Variants in EHF observed in about 807,000 individuals in gnomAD.
The protein encoded by EHF is ESE3 transcription factor.
EHF carries 14 observed loss-of-function variants against 45.1 expected under a neutral mutation model. The ratio of observed to expected loss-of-function variants is 0.31; its 90% CI spans 0.21 to 0.49. The LOEUF (loss-of-function observed/expected upper bound fraction) is 0.49, where lower values mean the gene tolerates loss of function less well. EHF is among the 20% of genes least tolerant of loss of function. EHF has a pLI of 0.99. For missense variants in EHF, 282 were observed against 371.4 expected (o/e 0.76, Z 1.98); for synonymous variants, 136 against 131.8 (o/e 1.03, Z -0.22).
intron 1 of EHF, among the ~76,000 whole-genome samples, chr11:34,624,566 G>A (rs1448822210): frequency 6.6e-6 from 1 of 152,100 alleles, no homozygotes; most frequent in Non-Finnish European, 1.5e-5. Context: ...GTTTCAAAGG[G>A]CCAAGCTACT....
At chr11:34,645,168 A>C (rs1854390190) in intron 2 of EHF, among the ~76,000 whole-genome samples, 1 of 152,078 alleles carries the variant, frequency 6.6e-6, no homozygotes, top group Non-Finnish European at 1.5e-5. Flanking sequence ...ATGCCCTCAG[A>C]TGCTGGTTTG....
intron 1 of EHF, 197 bp from the exon 2 acceptor site, chr11:34,642,431 T>A (rs1172219797): frequency 2.0e-6 from 1 of 504,924 alleles, no homozygotes; most frequent in East Asian, 3.2e-5. Context: ...GCCTCATGCA[T>A]ATGAAAATTG....
chr11:34,634,663 G>A (rs759070535), intron 1 of EHF, among the ~76,000 whole-genome samples: 6 of 152,242 alleles, frequency 3.9e-5, no homozygotes, highest in Non-Finnish European at 5.9e-5. Flanking sequence ...TGGACCAGTC[G>A]ATTTCCCAAA....
intron 1 of EHF, among the ~76,000 whole-genome samples, chr11:34,629,902 A>C (rs1362377995): frequency 1.3e-5 from 2 of 151,968 alleles, no homozygotes; most frequent in East Asian, 3.9e-4. Context: ...TATCATGGTT[A>C]ATAAGTCTGA....
intron 1 of EHF, among the ~76,000 whole-genome samples, chr11:34,623,375 C>T (rs925163400): frequency 6.6e-6 from 1 of 152,128 alleles, no homozygotes. Flanking sequence ...CTTCAGCCAC[C>T]GTGCCCAGCC....
In EHF at chr11:34,661,290, C is replaced by T. The variant is rs1264654930; in HGVS notation, c.*2359C>T. Among the ~76,000 whole-genome samples, 3 of 152,152 alleles carry T rather than the reference C, an allele frequency of 2.0e-5. No individual in the cohort carries two copies. Among genetic ancestry groups the T allele is most frequent in the Non-Finnish European group, 4.4e-5 (3 of 68,008 alleles). On this transcript the variant is annotated 3_prime_UTR_variant, in exon 9 of 9. Coordinates refer to ENST00000257831, the MANE Select transcript of EHF (RefSeq NM_012153.6). ...TTTATTAGGGGCATCTGCCAATTCT[C>T]TCACTGTGGTTCCTTCTCTGACTTT...
In EHF at chr11:34,662,376, T is replaced by A. The variant is rs1000581512; in HGVS notation, c.*3445T>A. Among the ~76,000 whole-genome samples the A allele has an allele frequency of 2.0e-5, 3 of 152,096 alleles. No homozygotes were observed. Among genetic ancestry groups the A allele is most frequent in the East Asian group, 1.9e-4 (1 of 5,176 alleles). On this transcript the variant is annotated 3_prime_UTR_variant, in exon 9 of 9. Coordinates refer to ENST00000257831, the MANE Select transcript of EHF (RefSeq NM_012153.6). Reference sequence around the variant, plus strand: ...GCTGAAATGAAACCAAAACAGGCCGTTGGGTTCCACAAGTCAATATATGTT... The same window carrying A: ...GCTGAAATGAAACCAAAACAGGCCGATGGGTTCCACAAGTCAATATATGTT...
Position 34,637,517 on chromosome 11 carries a change from G to A in EHF, c.-3-5111G>A, listed in dbSNP as rs73446829. 3.3e-3 allele frequency among the ~76,000 whole-genome samples: 498 copies of A among 152,304 alleles called. 5 individuals are homozygous for A. The highest frequency in any genetic ancestry group is 0.011 in the African/African-American group (463 of 41,558). ...ATTTAGCACAGAACAGTGCTTTCTT[G>A]CTGCAAAAAGAATTTCAGATTGGCC... On this transcript the variant is annotated intron_variant, in intron 1 of 8. Transcript: ENST00000257831.
chr11:34,647,092 C>T (rs1342043905), intron 3 of EHF, among the ~76,000 whole-genome samples: 1 of 142,240 alleles, frequency 7.0e-6, no homozygotes, highest in Non-Finnish European at 1.5e-5. Flanking sequence ...AAACCCCCCC[C>T]ACACACACAC....
At chr11:34,657,031 G>A in intron 7 of EHF, 61 bp downstream of exon 7, 1 of 1,593,882 alleles carries the variant, frequency 6.3e-7, no homozygotes, top group South Asian at 1.1e-5. Context: ...CACATCTGGA[G>A]GCCACTAGTT....
At chr11:34,634,512 G>A (rs1362376193) in intron 1 of EHF, among the ~76,000 whole-genome samples, 2 of 152,162 alleles carry the variant, frequency 1.3e-5, no homozygotes, top group African/African-American at 2.4e-5. Flanking sequence ...CCCTGGGGCT[G>A]GGGACAGGGA....
intron 1 of EHF, among the ~76,000 whole-genome samples, chr11:34,623,419 G>A (rs1405831611): frequency 2.0e-5 from 3 of 151,910 alleles, no homozygotes; most frequent in East Asian, 1.9e-4. Flanking sequence ...TTAGTCTATC[G>A]TGATCTCCCA....
At chr11:34,623,120 C>A (rs1429786043) in intron 1 of EHF, among the ~76,000 whole-genome samples, 1 of 151,958 alleles carries the variant, frequency 6.6e-6, no homozygotes, top group African/African-American at 2.4e-5. Context: ...GATGAAGTCT[C>A]CGTCGCCCAG....
chr11:34,632,746 G>T (rs2134019186), intron 1 of EHF: 3 of 1,413,284 alleles, frequency 2.1e-6, no homozygotes, highest in East Asian at 5.0e-5. Context: ...GAGCTCAGAT[G>T]ACTTTGGAAG....
chr11:34,627,890 C>T (rs1590407676), intron 1 of EHF, among the ~76,000 whole-genome samples: 2 of 152,272 alleles, frequency 1.3e-5, no homozygotes, highest in East Asian at 3.9e-4. Flanking sequence ...TCTTATTACA[C>T]CTATTACATA....
At chr11:34,652,474 G>C (rs548016766) in intron 6 of EHF, among the ~76,000 whole-genome samples, 1 of 152,292 alleles carries the variant, frequency 6.6e-6, no homozygotes, top group East Asian at 1.9e-4. Context: ...TTGGGAGTCT[G>C]GGAGAGGGGA....
intron 6 of EHF, among the ~76,000 whole-genome samples, chr11:34,656,675 T>C (rs78555754): frequency 0.032 from 4,823 of 152,212 alleles, 257 homozygotes; most frequent in African/African-American, 0.11. Flanking sequence ...GACCACCTTG[T>C]ATCAAATTGC....
At chr11:34,654,627 C>T (rs1855500698) in intron 6 of EHF, among the ~76,000 whole-genome samples, 1 of 152,104 alleles carries the variant, frequency 6.6e-6, no homozygotes, top group Non-Finnish European at 1.5e-5. Flanking sequence ...AATATTTCCT[C>T]ATGGTTTATC....
Position 34,651,277 on chromosome 11 carries a change from T to C in EHF, c.407-265T>C, listed in dbSNP as rs141570534. On this transcript the variant is annotated intron_variant, in intron 4 of 8. Transcript: ENST00000257831. Reference sequence around the variant, plus strand: ...CAGGAACCACTTGGTCTAGGACAGGTTCCCATTCTTGCAACTTCTCTCACT... The same window carrying C: ...CAGGAACCACTTGGTCTAGGACAGGCTCCCATTCTTGCAACTTCTCTCACT... Among the ~76,000 whole-genome samples, 23 of 152,136 alleles carry C rather than the reference T, an allele frequency of 1.5e-4. 1 individual carries two copies. In the East Asian group the frequency reaches 4.4e-3, roughly 29 times the overall value.
Sources: gnomAD v4.1 joint callset for allele counts (sites outside exome capture counted in the v4.1 genomes callset) on GRCh38, gnomAD v4.1.1 for gene constraint, MANE v1.5 for transcripts, NCBI Gene and HGNC (gene_info 2026-07-23, HGNC 2026-07-21) for gene names.